Variants in ARHGAP21 observed in about 807,000 individuals in gnomAD.
ARHGAP21 encodes rho GTPase-activating protein 21.
ARHGAP21 carries 38 observed loss-of-function variants against 164.6 expected under a neutral mutation model. The observed-to-expected ratio is 0.23, with a 90% confidence interval of 0.18 to 0.30. ARHGAP21 has a LOEUF of 0.30. Among genes scored for constraint, ARHGAP21 ranks in the 10% least tolerant of loss-of-function variants. The probability of loss-of-function intolerance (pLI) is 1.00; values close to 1 mark genes in which losing one functional copy is unlikely to be tolerated. For synonymous variants in ARHGAP21, 766 were observed against 857.9 expected, an observed-to-expected ratio of 0.89 and a Z score of 1.87; for missense variants, 1,822 against 2,370.7, an observed-to-expected ratio of 0.77 and a Z score of 4.81.
chr10:24,654,178 T>C (rs981161964), intron 4 of ARHGAP21, among the ~76,000 whole-genome samples: 1 of 152,204 alleles, frequency 6.6e-6, no homozygotes, highest in Non-Finnish European at 1.5e-5. Context: ...TCATACTGAA[T>C]GGGCAAAAAC....
At chr10:24,717,914 G>C (rs1845545399) in intron 2 of ARHGAP21, among the ~76,000 whole-genome samples, 1 of 152,156 alleles carries the variant, frequency 6.6e-6, no homozygotes, top group Admixed American at 6.5e-5. Context: ...TTTTAGTAGG[G>C]ACCGGGTTTC....
chr10:24,589,440 T>A, intron 24 of ARHGAP21, 138 bp from the exon 25 acceptor site: 2 of 677,712 alleles, frequency 3.0e-6, no homozygotes, highest in Non-Finnish European at 4.8e-6. Flanking sequence ...CAGTGGATAG[T>A]CAGAGCTCAC....
chr10:24,659,325 C>CT (rs1052180239), intron 4 of ARHGAP21, among the ~76,000 whole-genome samples: 3 of 152,152 alleles, frequency 2.0e-5, no homozygotes, highest in Non-Finnish European at 4.4e-5. Context: ...AATCCTCTTT[C>CT]TTTTTTTTGA....
At chr10:24,633,882 T>TC (rs1836090598) in intron 5 of ARHGAP21, among the ~76,000 whole-genome samples, 1 of 120,928 alleles carries the variant, frequency 8.3e-6, no homozygotes, top group Admixed American at 9.0e-5. Context: ...TCTTTTTTTC[T>TC]CTTTTTTTTT....
At chr10:24,624,847 G>C (rs1834938701) in intron 7 of ARHGAP21, among the ~76,000 whole-genome samples, 1 of 151,970 alleles carries the variant, frequency 6.6e-6, no homozygotes, top group Non-Finnish European at 1.5e-5. Flanking sequence ...TAGCTCTTGT[G>C]AATTCAACAG....
In ARHGAP21 at chr10:24,628,858, T is replaced by TAC. The variant is rs555627288; in HGVS notation, c.495+1136_495+1137dup. Among the ~76,000 whole-genome samples the TAC allele has an allele frequency of 1.8e-3, 230 of 130,158 alleles. 1 individual carries two copies. The highest frequency in any genetic ancestry group is 5.8e-3 in the African/African-American group (196 of 33,606). The allele number at this position is 130,158 out of a possible 152,430, so 85.4% of individuals were successfully genotyped here. ...GTACATATATACACATACATATATA[T>TAC]ACACATATATACATACATATATACA... is the stretch of plus-strand genomic sequence containing the variant. On this transcript the variant is annotated intron_variant, in intron 7 of 25. Transcript: ENST00000396432.
Position 24,623,214 on chromosome 10 carries a change from T to A in ARHGAP21, c.496-452A>T, listed in dbSNP as rs149708833. 5.9e-5 allele frequency among the ~76,000 whole-genome samples: 9 copies of A among 152,268 alleles called. 2 individuals carry two copies. The highest frequency in any genetic ancestry group is 2.2e-4 in the African/African-American group (9 of 41,552). On this transcript the variant is annotated intron_variant, in intron 7 of 25. Transcript: ENST00000396432. ...CCTCCTTCCCCAGTAAATCAGAGCATAACCACAAGCTGTCAGCAGACTGCA... is the reference window on the plus strand; with the variant it reads ...CCTCCTTCCCCAGTAAATCAGAGCAAAACCACAAGCTGTCAGCAGACTGCA...
intron 4 of ARHGAP21, among the ~76,000 whole-genome samples, chr10:24,643,920 C>T (rs902248562): frequency 6.6e-6 from 1 of 152,096 alleles, no homozygotes; most frequent in African/African-American, 2.4e-5. Flanking sequence ...GCTACATTGA[C>T]CAGGTTGATC....
At chr10:24,660,608 G>C (rs192647941) in intron 4 of ARHGAP21, among the ~76,000 whole-genome samples, 7 of 152,156 alleles carry the variant, frequency 4.6e-5, no homozygotes, top group Admixed American at 3.9e-4. Flanking sequence ...GGTTACTGCT[G>C]AATATCACTC....
At chr10:24,720,117 C>T (rs1845783025) in intron 2 of ARHGAP21, among the ~76,000 whole-genome samples, 2 of 151,902 alleles carry the variant, frequency 1.3e-5, no homozygotes, top group South Asian at 4.1e-4. Context: ...CAAATGAAAA[C>T]AAATTTCACA....
At chr10:24,607,688 T>C in intron 10 of ARHGAP21, 57 bp downstream of exon 10, 1 of 1,610,692 alleles carries the variant, frequency 6.2e-7, no homozygotes, top group African/African-American at 1.3e-5. Flanking sequence ...TATCATACTA[T>C]TCTAAGTGGA....
intron 24 of ARHGAP21, chr10:24,590,771 C>T: frequency 2.0e-6 from 2 of 985,192 alleles, no homozygotes; most frequent in Non-Finnish European, 2.4e-6. Flanking sequence ...AAATGGTGCC[C>T]ATTACCAGTT....
chr10:24,722,208 C>A lies in ARHGAP21; in HGVS notation c.-309G>T. On this transcript the variant is annotated 5_prime_UTR_variant, in exon 2 of 26. Coordinates refer to ENST00000396432, the MANE Select transcript of ARHGAP21 (RefSeq NM_020824.4). ...TTGCAGAAAGCGGTCCCCTTCTTCC[C>A]AGTGCCACTCCTGAGTCCTGGAAAA... 1 of 409,050 alleles carries A rather than the reference C, an allele frequency of 2.4e-6. No homozygotes were observed. The highest frequency in any genetic ancestry group is 4.6e-6 in the Non-Finnish European group (1 of 216,978). The allele number at this position is 409,050 out of a possible 1,614,324, so 25.3% of individuals were successfully genotyped here. A position where few individuals can be genotyped will look rare whatever the true frequency, so the allele number is the denominator to read the frequency against.
chr10:24,647,564 C>T (rs912974087), intron 4 of ARHGAP21, among the ~76,000 whole-genome samples: 1 of 152,128 alleles, frequency 6.6e-6, no homozygotes, highest in African/African-American at 2.4e-5. Flanking sequence ...AATTTTGCAG[C>T]TTTGAGAGCA....
chr10:24,721,733 G>C (rs1845961587), intron 2 of ARHGAP21, 104 bp downstream of exon 2: 35 of 1,342,590 alleles, frequency 2.6e-5, no homozygotes, highest in Non-Finnish European at 3.7e-5. Flanking sequence ...TCAAAGCCCC[G>C]GGAAGCCCCT....
intron 9 of ARHGAP21, 101 bp downstream of exon 9, chr10:24,619,370 TCA>T (rs1231267058): frequency 1.5e-5 from 17 of 1,145,960 alleles, no homozygotes; most frequent in Non-Finnish European, 2.1e-5. Context: ...CATTTTAAAA[TCA>T]CAGTGTAAGA....
intron 5 of ARHGAP21, 69 bp from the exon 6 acceptor site, chr10:24,633,549 T>A: frequency 1.0e-6 from 1 of 1,003,386 alleles, no homozygotes; most frequent in Non-Finnish European, 1.5e-6. Flanking sequence ...TTTTGAAATA[T>A]TTCTTGAATA....
intron 2 of ARHGAP21, among the ~76,000 whole-genome samples, chr10:24,703,032 GTACTT>G (rs1361878629): frequency 1.3e-5 from 2 of 151,858 alleles, no homozygotes; most frequent in African/African-American, 4.8e-5. Flanking sequence ...ATTATACACT[GTACTT>G]TACACTCTAT....
intron 4 of ARHGAP21, among the ~76,000 whole-genome samples, chr10:24,655,319 C>T (rs1838699147): frequency 6.6e-6 from 1 of 152,224 alleles, no homozygotes; most frequent in South Asian, 2.1e-4. Flanking sequence ...AAACTACCAT[C>T]AGAGTGAACA....
Sources: allele counts gnomAD v4.1 joint callset (sites outside exome capture counted in the v4.1 genomes callset), GRCh38; gene constraint gnomAD v4.1.1; transcripts MANE v1.5; gene names NCBI Gene and HGNC (gene_info 2026-07-23, HGNC 2026-07-21).